The following IL18RAP variants were observed in gnomAD, a reference collection of about 807,000 sequenced individuals.
IL18RAP encodes the protein interleukin-18 receptor accessory protein.
In IL18RAP, 37 loss-of-function variants were observed where a neutral mutation model predicts 58.1. The ratio of observed to expected loss-of-function variants is 0.64; its 90% confidence interval spans 0.49 to 0.84. The LOEUF (loss-of-function observed/expected upper bound fraction) is 0.84, where lower values mean the gene tolerates loss of function less well. IL18RAP is among the 40% of genes least tolerant of loss of function. IL18RAP has a pLI of 0.00. For missense variants in IL18RAP, 667 were observed against 704.8 expected, an observed-to-expected ratio of 0.95 and a Z score of 0.61; for synonymous variants, 268 against 257.5, an observed-to-expected ratio of 1.04 and a Z score of -0.39.
At chr2:102,425,028 G>A (rs997941590) in intron 3 of IL18RAP, among the ~76,000 whole-genome samples, 1 of 152,148 alleles carries the variant, frequency 6.6e-6, no homozygotes, top group Admixed American at 6.6e-5. Context: ...TGTTTCCATC[G>A]TGTTTGATAG....
At chr2:102,426,084 G>A (rs1681919737) in intron 3 of IL18RAP, among the ~76,000 whole-genome samples, 1 of 152,002 alleles carries the variant, frequency 6.6e-6, no homozygotes, top group Non-Finnish European at 1.5e-5. Context: ...GCATATAAAG[G>A]CACATAGTAA....
intron 4 of IL18RAP, 104 bp from the exon 5 acceptor site, chr2:102,441,208 G>A (rs11465700): frequency 0.28 from 222,869 of 802,502 alleles, 33,193 homozygotes; most frequent in Middle Eastern, 0.36. Context: ...TGAAGACAGA[G>A]CTCCAAGACA....
chr2:102,429,382 T>C (rs147496340), intron 3 of IL18RAP, among the ~76,000 whole-genome samples: 16 of 152,146 alleles, frequency 1.1e-4, no homozygotes, highest in African/African-American at 3.8e-4. Context: ...TAGTTTCTTA[T>C]AATCCTTTGT....
At chr2:102,449,708 T>G (rs1683647018) in intron 8 of IL18RAP, among the ~76,000 whole-genome samples, 1 of 152,186 alleles carries the variant, frequency 6.6e-6, no homozygotes, top group African/African-American at 2.4e-5. Flanking sequence ...ACTCTCTAAT[T>G]TTATGACTAA....
At chr2:102,426,431 AT>A (rs5833015) in intron 3 of IL18RAP, among the ~76,000 whole-genome samples, 1 of 151,864 alleles carries the variant, frequency 6.6e-6, no homozygotes, top group Non-Finnish European at 1.5e-5. Flanking sequence ...GATTGTTTAA[AT>A]TTTTTTCAAC....
Position 102,424,173 on chromosome 2 carries a change from A to G in IL18RAP, c.395+38A>G, listed in dbSNP as rs970007820. The stretch of plus-strand genomic sequence containing the variant: ...TACATTTCTATCTGAAAACATTTCC[A>G]AATCCTCTATTATCTAGACAAAATA... On this transcript the variant is annotated intron_variant, in intron 2 of 9. Transcript: ENST00000687160. 3 of 1,606,888 alleles carry G rather than the reference A, an allele frequency of 1.9e-6. No homozygotes were observed. In the Admixed American group the frequency reaches 5.1e-5, roughly 27 times the overall value.
intron 4 of IL18RAP, chr2:102,440,072 T>G (rs1299967086): frequency 6.6e-6 from 1 of 152,058 alleles, no homozygotes; most frequent in Non-Finnish European, 1.5e-5. Context: ...ACAAACGAAG[T>G]GAAATTGATG....
intron 3 of IL18RAP, among the ~76,000 whole-genome samples, chr2:102,429,857 G>T (rs1430059079): frequency 6.6e-6 from 1 of 151,698 alleles, no homozygotes; most frequent in Non-Finnish European, 1.5e-5. Flanking sequence ...TTTCATTTCT[G>T]CATATGTGCA....
intron 4 of IL18RAP, chr2:102,439,835 T>A (rs1031341855): frequency 6.6e-6 from 1 of 152,198 alleles, no homozygotes; most frequent in Non-Finnish European, 1.5e-5. Flanking sequence ...CAAGCCAGTC[T>A]GGAGAAGTTA....
chr2:102,422,488 A>C (rs947748012), upstream of IL18RAP, among the ~76,000 whole-genome samples: 4 of 152,184 alleles, frequency 2.6e-5, no homozygotes, highest in Non-Finnish European at 5.9e-5. Context: ...GCTCTGAGCC[A>C]TATGCCTCCC....
intron 4 of IL18RAP, chr2:102,439,329 G>A (rs1348556428): frequency 2.0e-5 from 3 of 152,314 alleles, no homozygotes; most frequent in African/African-American, 7.2e-5. Flanking sequence ...CTAGGGAGTG[G>A]TAGAGGGAAT....
chr2:102,427,359 A>T (rs1163347617), intron 3 of IL18RAP, among the ~76,000 whole-genome samples: 1 of 152,104 alleles, frequency 6.6e-6, no homozygotes, highest in Non-Finnish European at 1.5e-5. Flanking sequence ...GTACTAATTT[A>T]CATTTCTACC....
At chr2:102,440,608 A>C (rs1683045641) in intron 4 of IL18RAP, 1 of 152,124 alleles carries the variant, frequency 6.6e-6, no homozygotes, top group South Asian at 2.1e-4. Flanking sequence ...AATGTTGATG[A>C]GAAGAAGCCC....
intron 3 of IL18RAP, among the ~76,000 whole-genome samples, chr2:102,426,914 T>C (rs928930731): frequency 6.6e-6 from 1 of 152,054 alleles, no homozygotes; most frequent in Non-Finnish European, 1.5e-5. Context: ...CACCCTCTTC[T>C]CCCCACCAAT....
intron 5 of IL18RAP, among the ~76,000 whole-genome samples, chr2:102,441,770 C>A (rs969542794): frequency 1.3e-5 from 2 of 151,986 alleles, no homozygotes; most frequent in Non-Finnish European, 2.9e-5. Flanking sequence ...TGCCTGTAAT[C>A]CCAGCTACTC....
chr2:102,437,246 G>C lies in IL18RAP; in HGVS notation c.614G>C (p.Arg205Pro). 1 of 1,612,812 alleles carries C rather than the reference G, an allele frequency of 6.2e-7. No homozygotes were observed. The highest frequency in any genetic ancestry group is 8.5e-7 in the Non-Finnish European group (1 of 1,179,482). ...CTCCTCTCTGTGGAAAGGAGCAACC[G>C]AATCGTAGTGGATGAAGTTTATGAC... is the stretch of plus-strand genomic sequence containing the variant. ...GKLLSVERSN[R>P]IVVDEVYDYH... Residue 205 changes from arginine to proline, a missense_variant, in exon 4 of 10, where the codon CGA becomes CCA. Transcript: ENST00000687160.
chr2:102,421,230 A>G (rs1389258457), upstream of IL18RAP, among the ~76,000 whole-genome samples: 1 of 152,152 alleles, frequency 6.6e-6, no homozygotes, highest in African/African-American at 2.4e-5. Flanking sequence ...GTGCTAAGAC[A>G]AAAGTCATTT....
chr2:102,426,269 G>C (rs888704348), intron 3 of IL18RAP, among the ~76,000 whole-genome samples: 2 of 152,110 alleles, frequency 1.3e-5, no homozygotes, highest in Non-Finnish European at 2.9e-5. Flanking sequence ...CTGAGAGAAT[G>C]AAAACATGGC....
intron 4 of IL18RAP, among the ~76,000 whole-genome samples, chr2:102,438,529 C>T (rs998713962): frequency 3.3e-5 from 5 of 152,262 alleles, no homozygotes; most frequent in South Asian, 4.1e-4. Flanking sequence ...ATACCCCACT[C>T]GCACCACTTT....
Sources: gnomAD v4.1 joint callset for allele counts (sites outside exome capture counted in the v4.1 genomes callset) on GRCh38, gnomAD v4.1.1 for gene constraint, MANE v1.5 for transcripts, NCBI Gene and HGNC (gene_info 2026-07-23, HGNC 2026-07-21) for gene names.